The following KCNC1 variants were observed in gnomAD, a reference collection of about 807,000 sequenced individuals.
KCNC1 encodes the protein voltage-gated potassium channel KCNC1.
Under a neutral mutation model 43.4 loss-of-function variants are expected in KCNC1, and 8 were observed. That is an observed-to-expected ratio of 0.18 (90% confidence interval 0.11 to 0.33). The LOEUF is 0.33. KCNC1 is among the 10% of genes least tolerant of loss of function. KCNC1 has a pLI of 1.00. For missense variants in KCNC1, 420 were observed against 836.0 expected (o/e 0.50, Z 6.14); for synonymous variants, 361 against 360.5 (o/e 1.00, Z -0.01).
chr11:17,754,215 A>G (rs1285937192), intron 1 of KCNC1, among the ~76,000 whole-genome samples: 1 of 152,174 alleles, frequency 6.6e-6, no homozygotes, highest in East Asian at 1.9e-4. Context: ...CACTGTGCCC[A>G]CTGCCAGTGT....
chr11:17,752,949 G>A (rs1848984902), intron 1 of KCNC1, among the ~76,000 whole-genome samples: 1 of 152,192 alleles, frequency 6.6e-6, no homozygotes, highest in South Asian at 2.1e-4. Flanking sequence ...GTAGTGCCTG[G>A]TGCATAATAG....
chr11:17,736,718 A>G lies in KCNC1; in HGVS notation c.570+146A>G, dbSNP rs1848772239. 7.3e-7 allele frequency: 1 copy of G among 1,364,362 alleles called. No homozygotes were observed. Among genetic ancestry groups the G allele is most frequent in the South Asian group, 1.6e-5 (1 of 63,310 alleles). 84.5% of individuals were successfully genotyped at this position (1,364,362 alleles called of 1,614,324 possible). A position where few individuals can be genotyped will look rare whatever the true frequency, so the allele number is the denominator to read the frequency against. ...TGCGCATGTGTGCACGTACCAGGGT[A>G]AGAGAGGAAGGGTGTCCGCCGGGGT... On this transcript the variant is annotated intron_variant, in intron 1 of 3. Coordinates refer to ENST00000265969, the MANE Select transcript of KCNC1 (RefSeq NM_001112741.2). This position sits in a 1 kb window ranked among gnomAD's most constrained non-coding sequence, Gnocchi z 9.3.
chr11:17,777,357 G>A lies in KCNC1; in HGVS notation c.1505-2099G>A, dbSNP rs1020104637. 29 of 985,698 alleles carry A rather than the reference G, an allele frequency of 2.9e-5. No homozygotes were observed. The Admixed American group carries it at 5.5e-4, about 19-fold the overall frequency. 61.1% of individuals were successfully genotyped at this position (985,698 alleles called of 1,614,324 possible). On this transcript the variant is annotated intron_variant, in intron 2 of 3. Transcript: ENST00000265969. The surrounding 1 kb of genome is among the most constrained non-coding windows in gnomAD (Gnocchi z 4.3). ...TCAGCAAGTCCTCACTCCCCTCCCA[G>A]AAGGAGACGCTGCCTGGGAGGACCC...
At position 17,777,598 on chromosome 11, in the gene KCNC1, C is replaced by A; in HGVS notation, c.1505-1858C>A. 5 of 985,892 alleles carry A rather than the reference C, an allele frequency of 5.1e-6. No homozygotes were observed. Among genetic ancestry groups the A allele is most frequent in the Non-Finnish European group, 6.0e-6 (5 of 829,948 alleles). The allele number at this position is 985,892 out of a possible 1,614,324, so 61.1% of individuals were successfully genotyped here. ...GTGTGCCTGCAGACATGCCCCAAGA[C>A]CCCAGAGACGCCCCGGCCCCAGTCA... is the stretch of plus-strand genomic sequence containing the variant. On this transcript the variant is annotated intron_variant, in intron 2 of 3. Coordinates refer to ENST00000265969, the MANE Select transcript of KCNC1 (RefSeq NM_001112741.2). This position sits in a 1 kb window ranked among gnomAD's most constrained non-coding sequence, Gnocchi z 4.3.
At chr11:17,766,167 C>T (rs1044410137) in intron 1 of KCNC1, among the ~76,000 whole-genome samples, 5 of 152,184 alleles carry the variant, frequency 3.3e-5, no homozygotes, top group African/African-American at 1.2e-4. Flanking sequence ...CTGTGTGTGC[C>T]GAGTGTGTAT....
intron 1 of KCNC1, among the ~76,000 whole-genome samples, chr11:17,751,950 G>GCAGTTT (rs1848974249): frequency 6.6e-6 from 1 of 152,172 alleles, no homozygotes; most frequent in Admixed American, 6.5e-5. Flanking sequence ...GTTCAAGGAG[G>GCAGTTT]CAGTGCAGCT....
intron 1 of KCNC1, among the ~76,000 whole-genome samples, chr11:17,740,086 C>G (rs149297450): frequency 1.3e-5 from 2 of 152,192 alleles, no homozygotes; most frequent in South Asian, 4.1e-4. Context: ...TGCCACCTAC[C>G]CTGGGCCTTG....
intron 1 of KCNC1, among the ~76,000 whole-genome samples, chr11:17,755,823 G>A (rs935541505): frequency 3.3e-5 from 5 of 152,146 alleles, no homozygotes; most frequent in Non-Finnish European, 5.9e-5. Flanking sequence ...CTTTGAGAGT[G>A]TGCTGTTTAT....
rs1849363472 is a variant in KCNC1, at chr11:17,782,968, C to T, written c.*1234C>T. ...GCTTTCACTGCAGCTCACAACATTT[C>T]CTGGAAAGAGAGCAATGATGCTTTA... On this transcript the variant is annotated 3_prime_UTR_variant, in exon 4 of 4. Coordinates refer to ENST00000265969, the MANE Select transcript of KCNC1 (RefSeq NM_001112741.2). The T allele has an allele frequency of 6.6e-6, 1 of 152,220 alleles. No homozygotes were observed. Among genetic ancestry groups the T allele is most frequent in the Non-Finnish European group, 1.5e-5 (1 of 68,048 alleles). 9.4% of individuals were successfully genotyped at this position (152,220 alleles called of 1,614,324 possible).
In KCNC1 at chr11:17,773,689, A is replaced by G; in HGVS notation, c.1504+1091A>G. The G allele has an allele frequency of 1.0e-6, 1 of 985,386 alleles. No individual in the cohort carries two copies. Among genetic ancestry groups the G allele is most frequent in the Non-Finnish European group, 1.2e-6 (1 of 829,912 alleles). The allele number at this position is 985,386 out of a possible 1,614,324, so 61.0% of individuals were successfully genotyped here. A position where few individuals can be genotyped will look rare whatever the true frequency, so the allele number is the denominator to read the frequency against. ...CTGCACATAGCACATAAAGTTGATCATGGGGCTCTGGTCCGAAGATATAAA... is the reference window on the plus strand; with the variant it reads ...CTGCACATAGCACATAAAGTTGATCGTGGGGCTCTGGTCCGAAGATATAAA... On this transcript the variant is annotated intron_variant, in intron 2 of 3. Coordinates refer to ENST00000265969, the MANE Select transcript of KCNC1 (RefSeq NM_001112741.2). The surrounding 1 kb of genome is among the most constrained non-coding windows in gnomAD (Gnocchi z 4.1).
At position 17,767,131 on chromosome 11, in the gene KCNC1, TAA is replaced by T. The variant is rs67189869; in HGVS notation, c.571-4520_571-4519del. Among the ~76,000 whole-genome samples, 346 of 136,966 alleles carry T rather than the reference TAA, an allele frequency of 2.5e-3. 1 individual carries two copies. Among genetic ancestry groups the T allele is most frequent in the Admixed American group, 3.9e-3 (53 of 13,730 alleles). 89.9% of individuals were successfully genotyped at this position (136,966 alleles called of 152,430 possible). On this transcript the variant is annotated intron_variant, in intron 1 of 3. Transcript: ENST00000265969. ...TGAGCAACAGAACGAGACTCTGTCTTAAAAAAAAAAAAAAATTAGCCGGCTGT... is the reference window on the plus strand; with the variant it reads ...TGAGCAACAGAACGAGACTCTGTCTTAAAAAAAAAAAAATTAGCCGGCTGT...
At chr11:17,774,016 A>C in intron 2 of KCNC1, 1 of 985,440 alleles carries the variant, frequency 1.0e-6, no homozygotes, top group African/African-American at 1.7e-5. Context: ...CCACCACCCC[A>C]TCCCAATCCT....
At chr11:17,760,820 C>T (rs75736723) in intron 1 of KCNC1, among the ~76,000 whole-genome samples, 17,320 of 152,246 alleles carry the variant, frequency 0.11, 1,222 homozygotes, top group Non-Finnish European at 0.16. Flanking sequence ...AATGGCAGCT[C>T]CTCATCTAGA....
At position 17,776,831 on chromosome 11, in the gene KCNC1, C is replaced by A; in HGVS notation, c.1505-2625C>A. 1 of 985,678 alleles carries A rather than the reference C, an allele frequency of 1.0e-6. No individual in the cohort carries two copies. Among genetic ancestry groups the A allele is most frequent in the Non-Finnish European group, 1.2e-6 (1 of 830,168 alleles). 61.1% of individuals were successfully genotyped at this position (985,678 alleles called of 1,614,324 possible). A position where few individuals can be genotyped will look rare whatever the true frequency, so the allele number is the denominator to read the frequency against. On this transcript the variant is annotated intron_variant, in intron 2 of 3. Transcript: ENST00000265969. This position sits in a 1 kb window ranked among gnomAD's most constrained non-coding sequence, Gnocchi z 4.4. The stretch of plus-strand genomic sequence containing the variant: ...CGTTGGTTTCTCTTTCTTCAAGCCA[C>A]CCCTCTGGAGTTGGGGAGGGAGAAT...
chr11:17,776,534 A>AT lies in KCNC1; in HGVS notation c.1505-2922_1505-2921insT, dbSNP rs1319894910. 15 of 985,438 alleles carry AT rather than the reference A, an allele frequency of 1.5e-5. 1 individual carries two copies. The East Asian group carries it at 1.7e-3, about 112-fold the overall frequency. The allele number at this position is 985,438 out of a possible 1,614,324, so 61.0% of individuals were successfully genotyped here. A position where few individuals can be genotyped will look rare whatever the true frequency, so the allele number is the denominator to read the frequency against. On this transcript the variant is annotated intron_variant, in intron 2 of 3. Transcript: ENST00000265969. The surrounding 1 kb of genome is among the most constrained non-coding windows in gnomAD (Gnocchi z 4.4). ...CTCCTTGCTCCAAAGTTTAAAAAAAAATGACCCTCTCGCAGATGCTCATCT... is the reference window on the plus strand; with the variant it reads ...CTCCTTGCTCCAAAGTTTAAAAAAAATATGACCCTCTCGCAGATGCTCATCT...
At chr11:17,757,262 G>A (rs1295765009) in intron 1 of KCNC1, among the ~76,000 whole-genome samples, 1 of 152,188 alleles carries the variant, frequency 6.6e-6, no homozygotes, top group Non-Finnish European at 1.5e-5. Flanking sequence ...GCAGGTCAGG[G>A]GAGATGGTGC....
chr11:17,767,564 C>T lies in KCNC1; in HGVS notation c.571-4101C>T, dbSNP rs944468819. 4.6e-5 allele frequency among the ~76,000 whole-genome samples: 7 copies of T among 152,290 alleles called. No homozygotes were observed. In the South Asian group the frequency reaches 8.3e-4, roughly 18 times the overall value. On this transcript the variant is annotated intron_variant, in intron 1 of 3. Transcript: ENST00000265969. ...ACCTGGGGCTTCGTTGCTCTTGCTC[C>T]GGCTGTGCCTGTGGCTGACCTCCCA... is the stretch of plus-strand genomic sequence containing the variant.
chr11:17,749,838 C>T (rs1470516974), intron 1 of KCNC1, among the ~76,000 whole-genome samples: 1 of 152,262 alleles, frequency 6.6e-6, no homozygotes, highest in Non-Finnish European at 1.5e-5. Flanking sequence ...TTTTCGGGCT[C>T]AGCTTCTTCA....
At chr11:17,750,268 G>T (rs1848951756) in intron 1 of KCNC1, among the ~76,000 whole-genome samples, 1 of 152,148 alleles carries the variant, frequency 6.6e-6, no homozygotes, top group Non-Finnish European at 1.5e-5. Flanking sequence ...GCAGGTCCTG[G>T]GTTTGGATTT....
Sources: gnomAD v4.1 joint callset for allele counts (sites outside exome capture counted in the v4.1 genomes callset) on GRCh38, gnomAD v4.1.1 for gene constraint, Gnocchi (gnomAD v3.1) non-coding constraint, MANE v1.5 for transcripts, NCBI Gene and HGNC (gene_info 2026-07-23, HGNC 2026-07-21) for gene names.